DACH1: variants seen among roughly 807,000 people sequenced by gnomAD.
DACH1 encodes the protein dachshund homolog 1.
Under a neutral mutation model 54.2 loss-of-function variants are expected in DACH1, and 12 were observed. The ratio of observed to expected loss-of-function variants is 0.22; its 90% CI spans 0.14 to 0.36. The LOEUF is 0.36. DACH1 is among the 10% of genes least tolerant of loss of function. The pLI, the probability that DACH1 is intolerant of heterozygous loss-of-function variation, is 1.00. For synonymous variants in DACH1, 386 were observed against 366.2 expected (o/e 1.05, Z -0.62); for missense variants, 805 against 929.8 (o/e 0.87, Z 1.75).
intron 3 of DACH1, among the ~76,000 whole-genome samples, chr13:71,624,649 A>C (rs978975079): frequency 6.6e-6 from 1 of 152,104 alleles, no homozygotes; most frequent in Non-Finnish European, 1.5e-5. Flanking sequence ...TTAATCTGTT[A>C]AACAATAGCA....
intron 1 of DACH1, among the ~76,000 whole-genome samples, chr13:71,847,799 G>A (rs944124877): frequency 6.6e-6 from 1 of 152,096 alleles, no homozygotes; most frequent in Non-Finnish European, 1.5e-5. Context: ...TTAACATAAG[G>A]CACTGCAATC....
At chr13:71,865,890 G>A in intron 1 of DACH1, 32 bp downstream of exon 1, 1 of 1,549,796 alleles carries the variant, frequency 6.5e-7, no homozygotes. Flanking sequence ...GGGAAGGGGC[G>A]CGGGCGGCGG....
At chr13:71,497,486 C>A (rs143436189) in intron 6 of DACH1, among the ~76,000 whole-genome samples, 1 of 152,086 alleles carries the variant, frequency 6.6e-6, no homozygotes, top group African/African-American at 2.4e-5. Context: ...TATGGGCCAC[C>A]GTACCGGGCT....
At chr13:71,766,815 G>T (rs1885648962) in intron 1 of DACH1, among the ~76,000 whole-genome samples, 1 of 150,960 alleles carries the variant, frequency 6.6e-6, no homozygotes, top group Admixed American at 6.7e-5. Flanking sequence ...CATAAAATGT[G>T]TCAGTTTCCT....
Position 71,559,800 on chromosome 13 carries a change from A to G in DACH1, c.1435+20T>C. ...CCTAATAAAGTTTAAAATGGTGACA[A>G]GTAGAAGTATGAGACCTACGGATTC... is the stretch of plus-strand genomic sequence containing the variant. On this transcript the variant is annotated intron_variant, in intron 5 of 10. Coordinates refer to ENST00000613252, the MANE Select transcript of DACH1 (RefSeq NM_080759.6). 6.2e-7 allele frequency: 1 copy of G among 1,613,568 alleles called. No individual in the cohort carries two copies. Among genetic ancestry groups the G allele is most frequent in the Non-Finnish European group, 8.5e-7 (1 of 1,179,848 alleles).
intron 1 of DACH1, among the ~76,000 whole-genome samples, chr13:71,683,357 A>G (rs997163716): frequency 1.3e-5 from 2 of 152,178 alleles, no homozygotes; most frequent in Non-Finnish European, 2.9e-5. Context: ...CGGGAACATT[A>G]GAAGACAATT....
chr13:71,803,845 T>C (rs560642109), intron 1 of DACH1, among the ~76,000 whole-genome samples: 2 of 152,276 alleles, frequency 1.3e-5, no homozygotes, highest in African/African-American at 4.8e-5. Flanking sequence ...CTCTTTCCTC[T>C]CTTTAAAATC....
At chr13:71,645,305 CA>C (rs1314751685) in intron 2 of DACH1, among the ~76,000 whole-genome samples, 1 of 152,150 alleles carries the variant, frequency 6.6e-6, no homozygotes, top group Non-Finnish European at 1.5e-5. Context: ...GCAGAAATAT[CA>C]ACTACTTTCT....
intron 3 of DACH1, 86 bp from the exon 4 acceptor site, chr13:71,573,098 T>TA: frequency 7.5e-7 from 1 of 1,331,374 alleles, no homozygotes; most frequent in Non-Finnish European, 1.0e-6. Context: ...CTAATAATGG[T>TA]AGTCAAAGAA....
chr13:71,511,662 A>G (rs1880781449), intron 6 of DACH1, among the ~76,000 whole-genome samples: 1 of 152,012 alleles, frequency 6.6e-6, no homozygotes, highest in South Asian at 2.1e-4. Context: ...ATTCCTTTTA[A>G]AAAAATAAAA....
At chr13:71,807,211 G>T (rs1332525216) in intron 1 of DACH1, among the ~76,000 whole-genome samples, 1 of 152,064 alleles carries the variant, frequency 6.6e-6, no homozygotes, top group Non-Finnish European at 1.5e-5. Flanking sequence ...TAAAATGGTA[G>T]TTTTATGTCC....
rs1451707738 is a variant in DACH1 at position 71,866,329 on chromosome 13, G to GCTGCTA, written c.435_440dup (p.Ser162_Ser163dup). On this transcript the variant is annotated inframe_insertion, in exon 1 of 11. Coordinates refer to ENST00000613252, the MANE Select transcript of DACH1 (RefSeq NM_080759.6). Reference sequence around the variant, plus strand: ...TGCTACTACTGCTGCTGCTGCTGCTGCTGCTACTGCTGCTGCTGCTGCTGC... The same window carrying GCTGCTA: ...TGCTACTACTGCTGCTGCTGCTGCTGCTGCTACTGCTACTGCTGCTGCTGCTGCTGC... 2.6e-6 allele frequency: 4 copies of GCTGCTA among 1,538,130 alleles called. No individual in the cohort carries two copies. Among genetic ancestry groups the GCTGCTA allele is most frequent in the East Asian group, 4.9e-5 (2 of 40,592 alleles).
intron 10 of DACH1, among the ~76,000 whole-genome samples, chr13:71,469,089 T>C (rs910504603): frequency 3.3e-5 from 5 of 152,268 alleles, no homozygotes; most frequent in South Asian, 2.1e-4. Flanking sequence ...AACAAGGACT[T>C]TGAAGTCATA....
chr13:71,772,127 T>C (rs1386235759), intron 1 of DACH1, among the ~76,000 whole-genome samples: 1 of 151,614 alleles, frequency 6.6e-6, no homozygotes, highest in Non-Finnish European at 1.5e-5. Flanking sequence ...TAGACTGATA[T>C]CCTCTACAGT....
chr13:71,506,971 A>G (rs1321974801), intron 6 of DACH1, among the ~76,000 whole-genome samples: 1 of 151,444 alleles, frequency 6.6e-6, no homozygotes, highest in Non-Finnish European at 1.5e-5. Context: ...AAACCTAGGC[A>G]TTACCATTCA....
intron 3 of DACH1, among the ~76,000 whole-genome samples, chr13:71,579,390 G>T (rs2138429738): frequency 6.6e-6 from 1 of 152,068 alleles, no homozygotes; most frequent in South Asian, 2.1e-4. Context: ...TTAAATTTTG[G>T]CTGAATATTC....
intron 6 of DACH1, among the ~76,000 whole-genome samples, chr13:71,504,678 G>A (rs1880174590): frequency 6.6e-6 from 1 of 152,078 alleles, no homozygotes; most frequent in South Asian, 2.1e-4. Context: ...TACAGAAATG[G>A]CAACTCTTCC....
chr13:71,747,026 A>G (rs2137963682), intron 1 of DACH1, among the ~76,000 whole-genome samples: 1 of 152,296 alleles, frequency 6.6e-6, no homozygotes, highest in Admixed American at 6.5e-5. Context: ...ATGTATATGT[A>G]CTGACACATA....
In DACH1 at chr13:71,819,120, G is replaced by T. The variant is rs140571582; in HGVS notation, c.848+46802C>A. Among the ~76,000 whole-genome samples the T allele has an allele frequency of 4.9e-4, 74 of 152,312 alleles. 1 individual carries two copies. The highest frequency in any genetic ancestry group is 9.7e-4 in the Non-Finnish European group (66 of 68,024). On this transcript the variant is annotated intron_variant, in intron 1 of 10. Coordinates refer to ENST00000613252, the MANE Select transcript of DACH1 (RefSeq NM_080759.6). ...AGGGAGAGGAGATCAACCAGTTGCT[G>T]CAATTGGAACATGGAGCTGAAGCTA... is the stretch of plus-strand genomic sequence containing the variant.
Sources: allele counts gnomAD v4.1 joint callset (sites outside exome capture counted in the v4.1 genomes callset), GRCh38; gene constraint gnomAD v4.1.1; transcripts MANE v1.5; gene names NCBI Gene and HGNC (gene_info 2026-07-23, HGNC 2026-07-21).